The following ANKS1A variants were observed in gnomAD, a reference collection of about 807,000 sequenced individuals.
ANKS1A encodes ankyrin repeat and SAM domain-containing protein 1A.
In ANKS1A, 55 loss-of-function variants were observed where a neutral mutation model predicts 120.3. The observed-to-expected ratio is 0.46, with a 90% CI of 0.37 to 0.57. The LOEUF (loss-of-function observed/expected upper bound fraction) is 0.57, where lower values mean the gene tolerates loss of function less well. Ranked by LOEUF, ANKS1A falls within the 20% of genes least tolerant of loss-of-function variation. ANKS1A has a pLI of 0.00. For missense variants in ANKS1A, 1,123 were observed against 1,480.3 expected, an observed-to-expected ratio of 0.76 and a Z score of 3.96; for synonymous variants, 590 against 604.7, an observed-to-expected ratio of 0.98 and a Z score of 0.36.
At position 35,071,700 on chromosome 6, in the gene ANKS1A, A is replaced by G. The variant is rs549216010; in HGVS notation, c.2185-6858A>G. On this transcript the variant is annotated intron_variant, in intron 13 of 23. Transcript: ENST00000360359. ...CAGAGCCACACCCCCTGAGCTGGCCACACGCTCCCAGTCAGAACTTCTCTG... is the reference window on the plus strand; with the variant it reads ...CAGAGCCACACCCCCTGAGCTGGCCGCACGCTCCCAGTCAGAACTTCTCTG... 1.2e-4 allele frequency among the ~76,000 whole-genome samples: 18 copies of G among 152,354 alleles called. No individual in the cohort carries two copies. In the South Asian group the frequency reaches 3.5e-3, roughly 30 times the overall value.
intron 1 of ANKS1A, among the ~76,000 whole-genome samples, chr6:34,954,241 C>T (rs78435884): frequency 0.015 from 2,268 of 152,154 alleles, 185 homozygotes; most frequent in Admixed American, 0.12. Context: ...GAGAGGGAGC[C>T]GGTGTCTCAC....
At position 35,090,754 on chromosome 6, in the gene ANKS1A, C is replaced by T. The variant is rs11552398; in HGVS notation, c.*2145C>T. 0.16 allele frequency: 154,325 copies of T among 986,734 alleles called. 12,471 individuals are homozygous for T. The highest frequency in any genetic ancestry group is 0.19 in the African/African-American group (10,687 of 57,262). 61.1% of individuals were successfully genotyped at this position (986,734 alleles called of 1,614,324 possible). A position where few individuals can be genotyped will look rare whatever the true frequency, so the allele number is the denominator to read the frequency against. ...TGCACTTCTCCAAGTGCAGGTCACA[C>T]CAGGGGCAGACCCTGTCGCTGCGTT... is the stretch of plus-strand genomic sequence containing the variant. On this transcript the variant is annotated 3_prime_UTR_variant, in exon 24 of 24. Transcript: ENST00000360359.
chr6:35,012,619 T>C (rs1773820582), intron 10 of ANKS1A, among the ~76,000 whole-genome samples: 1 of 152,200 alleles, frequency 6.6e-6, no homozygotes, highest in Non-Finnish European at 1.5e-5. Context: ...CAGAGGTGAA[T>C]GAAAATGTGT....
Position 35,086,227 on chromosome 6 carries a change from T to C in ANKS1A, c.3303+291T>C, listed in dbSNP as rs553468172. 116 of 1,369,042 alleles carry C rather than the reference T, an allele frequency of 8.5e-5. No individual in the cohort carries two copies. Among genetic ancestry groups the C allele is most frequent in the Admixed American group, 6.0e-4 (28 of 46,422 alleles). 84.8% of individuals were successfully genotyped at this position (1,369,042 alleles called of 1,614,324 possible). A position where few individuals can be genotyped will look rare whatever the true frequency, so the allele number is the denominator to read the frequency against. ...CGGCCTGCAGGCAGCCCCCAGTAAC[T>C]GCGCCATCCCTGTGTCTGTGTCTGC... On this transcript the variant is annotated intron_variant, in intron 22 of 23. Transcript: ENST00000360359. This position sits in a 1 kb window ranked among gnomAD's most constrained non-coding sequence, Gnocchi z 5.1.
intron 1 of ANKS1A, among the ~76,000 whole-genome samples, chr6:34,915,376 T>G (rs1407441128): frequency 6.6e-6 from 1 of 152,140 alleles, no homozygotes; most frequent in Non-Finnish European, 1.5e-5. Context: ...TCTTAGAGCT[T>G]TAGGCCTATG....
chr6:35,039,925 C>A (rs1223996379), intron 11 of ANKS1A, among the ~76,000 whole-genome samples: 2 of 152,156 alleles, frequency 1.3e-5, no homozygotes, highest in Admixed American at 1.3e-4. Flanking sequence ...TGACAAGGAC[C>A]CTCTTCCTGG....
intron 11 of ANKS1A, among the ~76,000 whole-genome samples, chr6:35,053,580 G>A (rs1374405027): frequency 6.6e-6 from 1 of 152,228 alleles, no homozygotes; most frequent in Non-Finnish European, 1.5e-5. Context: ...AGGCGCTCTA[G>A]AAATCATCCT....
rs1278777542 is a variant in ANKS1A, at chr6:35,082,572, G to A, written c.2710-119G>A. On this transcript the variant is annotated intron_variant, in intron 17 of 23. Coordinates refer to ENST00000360359, the MANE Select transcript of ANKS1A (RefSeq NM_015245.3). This position sits in a 1 kb window ranked among gnomAD's most constrained non-coding sequence, Gnocchi z 4.1. ...GGTCTGCCCCCTGCCATCTCCACTC[G>A]ACCCTTGAACTTGCTAAGGTCACTG... is the stretch of plus-strand genomic sequence containing the variant. The A allele has an allele frequency of 1.4e-5, 18 of 1,329,896 alleles. No homozygotes were observed. The highest frequency in any genetic ancestry group is 2.6e-4 in the Middle Eastern group (1 of 3,786). The allele number at this position is 1,329,896 out of a possible 1,614,324, so 82.4% of individuals were successfully genotyped here. A position where few individuals can be genotyped will look rare whatever the true frequency, so the allele number is the denominator to read the frequency against.
downstream of ANKS1A, among the ~76,000 whole-genome samples, chr6:35,093,575 T>C (rs1000481832): frequency 2.6e-5 from 4 of 152,134 alleles, no homozygotes; most frequent in Non-Finnish European, 5.9e-5. Context: ...AAAACTAACA[T>C]GTGCACCACA....
At chr6:34,939,517 TTG>T (rs1769423766) in intron 1 of ANKS1A, among the ~76,000 whole-genome samples, 2 of 152,222 alleles carry the variant, frequency 1.3e-5, no homozygotes, top group African/African-American at 4.8e-5. Context: ...AAGTAATTAG[TTG>T]CCTTCTGCTA....
At chr6:35,025,474 T>G (rs767308624) in intron 11 of ANKS1A, among the ~76,000 whole-genome samples, 5 of 151,464 alleles carry the variant, frequency 3.3e-5, no homozygotes, top group Non-Finnish European at 7.4e-5. Context: ...TGCCATCACG[T>G]CTCTAACTGG....
chr6:35,079,483 G>A, intron 14 of ANKS1A, 33 bp from the exon 15 acceptor site: 2 of 1,612,014 alleles, frequency 1.2e-6, no homozygotes, highest in Admixed American at 3.3e-5. Flanking sequence ...TGAGTGCTGA[G>A]ATGTCAGTTT....
Position 35,046,327 on chromosome 6 carries a change from G to A in ANKS1A, c.2011-7772G>A, listed in dbSNP as rs147998335. ...TGTGACAGGGAATAATGGTGCCATC[G>A]ACTTTCCCACATTCCTTTCTCTTTG... On this transcript the variant is annotated intron_variant, in intron 11 of 23. Transcript: ENST00000360359. Among the ~76,000 whole-genome samples the A allele has an allele frequency of 2.6e-5, 4 of 152,286 alleles. No homozygotes were observed. The East Asian group carries it at 5.8e-4, about 22-fold the overall frequency.
intron 3 of ANKS1A, chr6:34,972,688 C>G: frequency 1.1e-6 from 1 of 944,830 alleles, no homozygotes; most frequent in Non-Finnish European, 1.3e-6. Flanking sequence ...TTTCTCCAAG[C>G]TGTACCTCCT....
chr6:34,989,188 G>C (rs1772379940), intron 8 of ANKS1A, 36 bp from the exon 9 acceptor site: 1 of 1,600,410 alleles, frequency 6.2e-7, no homozygotes, highest in African/African-American at 1.3e-5. Flanking sequence ...ACTTAAAAAA[G>C]AGATCGCAAA....
Position 34,970,107 on chromosome 6 carries a change from G to T in ANKS1A, c.376G>T (p.Ala126Ser). 1 of 1,614,092 alleles carries T rather than the reference G, an allele frequency of 6.2e-7. No homozygotes were observed. Among genetic ancestry groups the T allele is most frequent in the Non-Finnish European group, 8.5e-7 (1 of 1,180,010 alleles). ...PLHLAAWKGD[A>S]QIVRLLIHQG... ...GCATTTGGCAGCCTGGAAAGGAGAT[G>T]CCCAGATAGTGCGGTTGCTCATCCA... Residue 126 changes from alanine to serine, a missense_variant, in exon 3 of 24, where the codon GCC (alanine) becomes TCC (serine). Physicochemically the swap from Ala to Ser is moderately conservative, Grantham distance 99. Coordinates refer to ENST00000360359, the MANE Select transcript of ANKS1A (RefSeq NM_015245.3).
At chr6:34,972,411 G>A (rs927253154) in intron 3 of ANKS1A, among the ~76,000 whole-genome samples, 1 of 152,046 alleles carries the variant, frequency 6.6e-6, no homozygotes, top group Non-Finnish European at 1.5e-5. Context: ...AGATTAAAGG[G>A]GGGTAAGAGT....
downstream of ANKS1A, chr6:35,091,478 G>A (rs1023573170): frequency 4.1e-5 from 39 of 947,676 alleles, no homozygotes; most frequent in South Asian, 3.4e-4. Flanking sequence ...GGGCACAGGC[G>A]AGACGCAGGC....
chr6:34,901,752 C>T (rs1767361772), intron 1 of ANKS1A, among the ~76,000 whole-genome samples: 1 of 152,214 alleles, frequency 6.6e-6, no homozygotes, highest in Non-Finnish European at 1.5e-5. Flanking sequence ...CTTAAGAGAT[C>T]TGCCCACCTT....
Sources: allele counts gnomAD v4.1 joint callset (sites outside exome capture counted in the v4.1 genomes callset), GRCh38; gene constraint gnomAD v4.1.1; non-coding constraint Gnocchi (gnomAD v3.1); transcripts MANE v1.5; gene names NCBI Gene and HGNC (gene_info 2026-07-23, HGNC 2026-07-21).